Variants in SORCS2 observed in about 807,000 individuals in gnomAD.
SORCS2 encodes sortilin related VPS10 domain containing receptor 2.
A neutral mutation model predicts 141.6 loss-of-function variants in SORCS2; 100 were observed. The ratio of observed to expected loss-of-function variants is 0.71; its 90% CI spans 0.60 to 0.83. The LOEUF is 0.83. Among genes scored for constraint, SORCS2 ranks in the 40% least tolerant of loss-of-function variants. SORCS2 has a pLI of 0.00. For missense variants in SORCS2, 1,646 were observed against 1,560.2 expected, an observed-to-expected ratio of 1.05 and a Z score of -0.93; for synonymous variants, 789 against 676.9, an observed-to-expected ratio of 1.17 and a Z score of -2.57.
intron 2 of SORCS2, among the ~76,000 whole-genome samples, chr4:7,467,191 C>G (rs1729671451): frequency 6.6e-6 from 1 of 152,332 alleles, no homozygotes; most frequent in Non-Finnish European, 1.5e-5. Flanking sequence ...CAGGAGGCAG[C>G]AAGGCCTGTG....
chr4:7,561,172 G>C (rs999941567), intron 3 of SORCS2, among the ~76,000 whole-genome samples: 1 of 152,138 alleles, frequency 6.6e-6, no homozygotes, highest in African/African-American at 2.4e-5. Context: ...GGCCCAAATG[G>C]GGGCTTCGTG....
rs189473483 is a variant in SORCS2 at position 7,532,186 on chromosome 4, G to A, written c.648+557G>A. Among the ~76,000 whole-genome samples the A allele has an allele frequency of 1.7e-3, 263 of 152,292 alleles. 1 individual carries two copies. The highest frequency in any genetic ancestry group is 5.4e-3 in the African/African-American group (226 of 41,552). On this transcript the variant is annotated intron_variant, in intron 3 of 26. Transcript: ENST00000507866. Reference sequence around the variant, plus strand: ...CCGTGAGAAGAGCCCTCCTGCAAACGTGTGTTTGTGTCCTGGCCCACCCCC... The same window carrying A: ...CCGTGAGAAGAGCCCTCCTGCAAACATGTGTTTGTGTCCTGGCCCACCCCC...
At chr4:7,547,089 C>A (rs970342478) in intron 3 of SORCS2, among the ~76,000 whole-genome samples, 1 of 152,110 alleles carries the variant, frequency 6.6e-6, no homozygotes, top group African/African-American at 2.4e-5. Context: ...TCCACTCATC[C>A]CCAGGCTCTT....
chr4:7,274,584 G>C (rs1715361302), intron 1 of SORCS2, among the ~76,000 whole-genome samples: 1 of 152,152 alleles, frequency 6.6e-6, no homozygotes, highest in South Asian at 2.1e-4. Context: ...GATCGTATGA[G>C]AGCTCACTAT....
chr4:7,700,206 G>T (rs1724972112), intron 12 of SORCS2, among the ~76,000 whole-genome samples: 1 of 152,226 alleles, frequency 6.6e-6, no homozygotes, highest in South Asian at 2.1e-4. Flanking sequence ...TCCCTGGGCT[G>T]CCCGCTGACT....
At chr4:7,396,540 G>C (rs912181263) in intron 2 of SORCS2, among the ~76,000 whole-genome samples, 185 bp downstream of exon 2, 1 of 152,246 alleles carries the variant, frequency 6.6e-6, no homozygotes, top group African/African-American at 2.4e-5. Context: ...AGTTTGGGCA[G>C]TGGGTATAAA....
chr4:7,219,186 G>T (rs553482833), intron 1 of SORCS2, among the ~76,000 whole-genome samples: 1 of 151,994 alleles, frequency 6.6e-6, no homozygotes, highest in African/African-American at 2.4e-5. Context: ...GTGTGTGTGT[G>T]TCTGTTCATG....
At chr4:7,607,763 G>A (rs760114739) in intron 3 of SORCS2, among the ~76,000 whole-genome samples, 2 of 152,080 alleles carry the variant, frequency 1.3e-5, no homozygotes, top group African/African-American at 2.4e-5. Context: ...GTTGATGAGG[G>A]GGTCAGTGTT....
intron 21 of SORCS2, among the ~76,000 whole-genome samples, chr4:7,727,624 C>T (rs909695795): frequency 1.3e-5 from 2 of 152,198 alleles, no homozygotes; most frequent in African/African-American, 2.4e-5. Flanking sequence ...GGCTATTCTT[C>T]ATTCATTGTT....
chr4:7,470,934 G>C (rs1729938318), intron 2 of SORCS2, among the ~76,000 whole-genome samples: 1 of 135,056 alleles, frequency 7.4e-6, no homozygotes, highest in Non-Finnish European at 1.6e-5. Flanking sequence ...GGAGGAGGCA[G>C]ATGAGAGTGG....
chr4:7,684,494 T>C (rs6810551), intron 10 of SORCS2, among the ~76,000 whole-genome samples: 145,012 of 152,150 alleles, frequency 0.95, 69,481 homozygotes, highest in East Asian at 1. Context: ...CACATGTTCC[T>C]TCCACTGAGG....
intron 2 of SORCS2, among the ~76,000 whole-genome samples, chr4:7,530,386 A>G (rs1295604221): frequency 2.0e-5 from 3 of 152,108 alleles, no homozygotes; most frequent in Admixed American, 1.3e-4. Flanking sequence ...CCCAAGCTGG[A>G]GAGTTGCCCC....
At chr4:7,386,304 A>C (rs1723308915) in intron 1 of SORCS2, among the ~76,000 whole-genome samples, 1 of 89,346 alleles carries the variant, frequency 1.1e-5, no homozygotes, top group South Asian at 4.4e-4. Context: ...GCACACACAT[A>C]CACATTTGCA....
chr4:7,274,344 T>C (rs185929859), intron 1 of SORCS2, among the ~76,000 whole-genome samples: 3 of 152,332 alleles, frequency 2.0e-5, no homozygotes, highest in East Asian at 1.9e-4. Context: ...CCTGTGCTGC[T>C]ATAAGGAAAT....
At chr4:7,673,093 A>G (rs1722887491) in intron 8 of SORCS2, among the ~76,000 whole-genome samples, 1 of 152,248 alleles carries the variant, frequency 6.6e-6, no homozygotes, top group Non-Finnish European at 1.5e-5. Context: ...TTCTCAAAGA[A>G]GACAGTAAAT....
At chr4:7,449,651 G>C (rs1728315934) in intron 2 of SORCS2, among the ~76,000 whole-genome samples, 1 of 151,858 alleles carries the variant, frequency 6.6e-6, no homozygotes, top group Non-Finnish European at 1.5e-5. Flanking sequence ...GGGTGGGCTT[G>C]GCTCTGTGCA....
chr4:7,262,963 GA>G (rs1166504247), intron 1 of SORCS2, among the ~76,000 whole-genome samples: 2 of 152,214 alleles, frequency 1.3e-5, no homozygotes, highest in African/African-American at 4.8e-5. Context: ...GGAGTCCTAC[GA>G]CTGAGGTCTC....
intron 2 of SORCS2, among the ~76,000 whole-genome samples, chr4:7,481,019 G>A (rs1019771622): frequency 2.0e-5 from 3 of 152,238 alleles, no homozygotes; most frequent in Non-Finnish European, 2.9e-5. Context: ...CTCCTAGACC[G>A]ACTGTCCTCC....
chr4:7,494,607 T>A (rs978270443), intron 2 of SORCS2, among the ~76,000 whole-genome samples: 3 of 152,144 alleles, frequency 2.0e-5, no homozygotes, highest in African/African-American at 7.2e-5. Context: ...CATCCAACCC[T>A]AATCACCTCC....
Sources: allele counts gnomAD v4.1 joint callset (sites outside exome capture counted in the v4.1 genomes callset), GRCh38; gene constraint gnomAD v4.1.1; transcripts MANE v1.5; gene names NCBI Gene and HGNC (gene_info 2026-07-23, HGNC 2026-07-21).